SRSF11: variants seen among roughly 807,000 people sequenced by gnomAD.
SRSF11 encodes serine/arginine-rich splicing factor 11.
SRSF11 carries 9 observed loss-of-function variants against 56.0 expected under a neutral mutation model. That is an observed-to-expected ratio of 0.16 (90% confidence interval 0.10 to 0.28). The LOEUF is 0.28. Ranked by LOEUF, SRSF11 falls within the 10% of genes least tolerant of loss-of-function variation. The pLI, the probability that SRSF11 is intolerant of heterozygous loss-of-function variation, is 1.00. For missense variants in SRSF11, 421 were observed against 600.7 expected (o/e 0.70, Z 3.13); for synonymous variants, 222 against 215.3 (o/e 1.03, Z -0.27).
intron 1 of SRSF11, chr1:70,222,703 A>G (rs1294969069): frequency 6.6e-6 from 1 of 152,208 alleles, no homozygotes; most frequent in African/African-American, 2.4e-5. Context: ...TGACAATTCA[A>G]ATGTCATTAT....
intron 8 of SRSF11, among the ~76,000 whole-genome samples, chr1:70,246,455 TAGGAG>T (rs1676790252): frequency 6.6e-6 from 1 of 152,042 alleles, no homozygotes; most frequent in Non-Finnish European, 1.5e-5. Context: ...TTTGGCCTGA[TAGGAG>T]AGGTGGGTTG....
chr1:70,228,675 T>TA (rs1672322930), intron 2 of SRSF11, 120 bp downstream of exon 2: 9 of 1,374,256 alleles, frequency 6.5e-6, no homozygotes, highest in Non-Finnish European at 8.5e-6. Flanking sequence ...AAACCCTTGT[T>TA]ATACTGCAGT....
At chr1:70,228,835 T>G in intron 2 of SRSF11, 1 of 1,093,546 alleles carries the variant, frequency 9.1e-7, no homozygotes, top group Admixed American at 4.7e-5. Flanking sequence ...ATACATCTAC[T>G]TAGTTAATTT....
chr1:70,221,905 T>A, intron 1 of SRSF11, 66 bp downstream of exon 1: 4 of 1,594,374 alleles, frequency 2.5e-6, no homozygotes, highest in Non-Finnish European at 2.6e-6. Context: ...CACACACAAT[T>A]TCCTTAGGCC....
chr1:70,205,746 G>T (rs1668944526), exon 1 of SRSF11: 3 of 482,490 alleles, frequency 6.2e-6, no homozygotes, highest in Non-Finnish European at 7.4e-6. Context: ...TCCGTTGCCG[G>T]TGCCGGCCTA....
upstream of SRSF11, chr1:70,221,162 T>TC (rs1670512870): frequency 6.4e-6 from 1 of 156,542 alleles, no homozygotes; most frequent in Non-Finnish European, 1.4e-5. Context: ...AATGCTTTTT[T>TC]TAAAAAAAAA....
At chr1:70,240,147 G>A (rs187323148) in intron 7 of SRSF11, among the ~76,000 whole-genome samples, 90 of 152,288 alleles carry the variant, frequency 5.9e-4, no homozygotes, top group African/African-American at 2.0e-3. Flanking sequence ...TACTTCATAA[G>A]CATCAGAAGT....
rs1230722014 is a variant in SRSF11 at position 70,251,550 on chromosome 1, T to C, written c.*745T>C. On this transcript the variant is annotated 3_prime_UTR_variant, in exon 12 of 12. Coordinates refer to ENST00000370949, the MANE Select transcript of SRSF11 (RefSeq NM_001350605.2). Reference sequence around the variant, plus strand: ...TTTGGGAATTTTTTTCCTGAAGTAATAATTTATTCCACATCTACATCAGTG... The same window carrying C: ...TTTGGGAATTTTTTTCCTGAAGTAACAATTTATTCCACATCTACATCAGTG... 6.6e-6 allele frequency: 1 copy of C among 152,390 alleles called. No homozygotes were observed. The highest frequency in any genetic ancestry group is 1.5e-5 in the Non-Finnish European group (1 of 67,980). The allele number at this position is 152,390 out of a possible 1,614,324, so 9.4% of individuals were successfully genotyped here. A position where few individuals can be genotyped will look rare whatever the true frequency, so the allele number is the denominator to read the frequency against.
chr1:70,244,647 T>C lies in SRSF11; in HGVS notation c.801-37T>C, dbSNP rs2100964541. 3.1e-6 allele frequency: 5 copies of C among 1,595,294 alleles called. No homozygotes were observed. In the South Asian group the frequency reaches 5.6e-5, roughly 18 times the overall value. On this transcript the variant is annotated intron_variant, in intron 7 of 11. Coordinates refer to ENST00000370949, the MANE Select transcript of SRSF11 (RefSeq NM_001350605.2). ...GCACAAAATTTATAGTCTTTTTACATTTATACACATGTATTGGCTTCCTTT... is the reference window on the plus strand; with the variant it reads ...GCACAAAATTTATAGTCTTTTTACACTTATACACATGTATTGGCTTCCTTT...
intron 1 of SRSF11, among the ~76,000 whole-genome samples, chr1:70,213,066 A>T (rs1669709399): frequency 6.6e-6 from 1 of 152,194 alleles, no homozygotes; most frequent in Admixed American, 6.5e-5. Context: ...AAAAAATTTA[A>T]AAAGAAAAGA....
intron 7 of SRSF11, among the ~76,000 whole-genome samples, chr1:70,240,245 G>A (rs1675037659): frequency 6.6e-6 from 1 of 152,096 alleles, no homozygotes; most frequent in African/African-American, 2.4e-5. Flanking sequence ...GTACTGAAGG[G>A]GGATTTAATA....
Position 70,241,556 on chromosome 1 carries a change from T to A in SRSF11, c.800+2036T>A, listed in dbSNP as rs1233953246. ...GTGATACATAAAACCTTAGAATGGC[T>A]TTCAGGGTTCTTTACTATTCCGTCT... On this transcript the variant is annotated intron_variant, in intron 7 of 11. Transcript: ENST00000370949. Among the ~76,000 whole-genome samples, 4 of 152,176 alleles carry A rather than the reference T, an allele frequency of 2.6e-5. No individual in the cohort carries two copies. In the East Asian group the frequency reaches 7.7e-4, roughly 29 times the overall value.
chr1:70,229,343 T>TTGC, intron 2 of SRSF11: 1 of 1,226,716 alleles, frequency 8.2e-7, no homozygotes, highest in Non-Finnish European at 1.0e-6. Flanking sequence ...GTGTAACCAT[T>TTGC]TGTTAACTAC....
At chr1:70,235,972 A>G (rs1166596110) in intron 5 of SRSF11, among the ~76,000 whole-genome samples, 30 of 152,210 alleles carry the variant, frequency 2.0e-4, no homozygotes, top group Admixed American at 2.0e-3. Context: ...ATGCTGTCAC[A>G]GAAATTGTTT....
At chr1:70,245,770 C>T (rs1265957413) in intron 8 of SRSF11, among the ~76,000 whole-genome samples, 2 of 152,038 alleles carry the variant, frequency 1.3e-5, no homozygotes, top group South Asian at 2.1e-4. Flanking sequence ...ATAATGAGAC[C>T]GATCGTGGAA....
chr1:70,247,836 C>T (rs1485742673), intron 9 of SRSF11, among the ~76,000 whole-genome samples: 1 of 151,884 alleles, frequency 6.6e-6, no homozygotes, highest in African/African-American at 2.4e-5. Context: ...GACAGGCAAC[C>T]CAATTTAAAA....
intron 1 of SRSF11, among the ~76,000 whole-genome samples, chr1:70,225,559 C>T (rs983981303): frequency 1.3e-5 from 2 of 152,132 alleles, no homozygotes; most frequent in South Asian, 2.1e-4. Context: ...CTGAAGTTCT[C>T]GTACGTTAGT....
Position 70,250,811 on chromosome 1 carries a change from G to A in SRSF11, c.*6G>A, listed in dbSNP as rs1402464242. The A allele has an allele frequency of 1.2e-6, 2 of 1,612,384 alleles. No individual in the cohort carries two copies. Among genetic ancestry groups the A allele is most frequent in the Non-Finnish European group, 8.5e-7 (1 of 1,178,804 alleles). ...ACATGGATATGAGTGACTGAATATT[G>A]CCTCTGAGGGAGTCCAACTGTATAC... is the stretch of plus-strand genomic sequence containing the variant. On this transcript the variant is annotated 3_prime_UTR_variant, in exon 12 of 12. Transcript: ENST00000370949.
At chr1:70,219,868 T>C (rs1437876155), upstream of SRSF11, among the ~76,000 whole-genome samples, 2 of 152,236 alleles carry the variant, frequency 1.3e-5, no homozygotes, top group Admixed American at 1.3e-4. Context: ...CTCTAATCTC[T>C]CACATATTGC....
Sources: allele counts gnomAD v4.1 joint callset (sites outside exome capture counted in the v4.1 genomes callset), GRCh38; gene constraint gnomAD v4.1.1; transcripts MANE v1.5; gene names NCBI Gene and HGNC (gene_info 2026-07-23, HGNC 2026-07-21).